CR1L: variants seen among roughly 807,000 people sequenced by gnomAD.
CR1L encodes the protein complement C3b/C4b receptor 1 like.
A neutral mutation model predicts 62.3 loss-of-function variants in CR1L; 59 were observed. The observed-to-expected ratio is 0.95, with a 90% CI of 0.77 to 1.18. The LOEUF (loss-of-function observed/expected upper bound fraction) is 1.18, where lower values mean the gene tolerates loss of function less well. Among genes scored for constraint, CR1L ranks in the 50% most tolerant of loss-of-function variants. CR1L has a pLI of 0.00. For synonymous variants in CR1L, 279 were observed against 248.7 expected, an observed-to-expected ratio of 1.12 and a Z score of -1.15; for missense variants, 700 against 702.8, an observed-to-expected ratio of 1.00 and a Z score of 0.04.
chr1:207,717,696 G>A lies in CR1L; in HGVS notation c.1642+5G>A, dbSNP rs750373270. 3 of 1,613,868 alleles carry A rather than the reference G, an allele frequency of 1.9e-6. No homozygotes were observed. The highest frequency in any genetic ancestry group is 2.5e-6 in the Non-Finnish European group (3 of 1,179,788). Reference sequence around the variant, plus strand: ...GTGAACTTCCTGTTGGTGCTGGTCAGTATCCGCTTCCACATATCCTAAATG... The same window carrying A: ...GTGAACTTCCTGTTGGTGCTGGTCAATATCCGCTTCCACATATCCTAAATG... On this transcript the variant is annotated splice_donor_5th_base_variant and intron_variant, in intron 11 of 11. Transcript: ENST00000508064.
At chr1:207,653,297 A>G (rs1462152776) in intron 1 of CR1L, 1 of 153,338 alleles carries the variant, frequency 6.5e-6, no homozygotes, top group Non-Finnish European at 1.5e-5. Context: ...CTATGTGACA[A>G]GTTATACTTC....
intron 10 of CR1L, among the ~76,000 whole-genome samples, chr1:207,711,679 G>A (rs1448148461): frequency 3.9e-5 from 6 of 152,154 alleles, no homozygotes; most frequent in African/African-American, 1.4e-4. Context: ...GGCCAAGATG[G>A]GCAGATCACC....
intron 8 of CR1L, among the ~76,000 whole-genome samples, chr1:207,701,081 A>C (rs1664183770): frequency 6.6e-6 from 1 of 152,216 alleles, no homozygotes; most frequent in Non-Finnish European, 1.5e-5. Flanking sequence ...CTTCATGAGA[A>C]TGTTTCAAGG....
rs1663098420 is a variant in CR1L, at chr1:207,645,249, C to T, written c.16C>T (p.Arg6Cys). 5 of 1,613,270 alleles carry T rather than the reference C, an allele frequency of 3.1e-6. No individual in the cohort carries two copies. The highest frequency in any genetic ancestry group is 8.5e-7 in the Non-Finnish European group (1 of 1,180,012). MAPPV[R>C]LERPFPSRRF... ...CGCGCCGCTCATGGCGCCTCCCGTCCGTCTCGAGCGTCCCTTTCCTTCCCG... is the reference window on the plus strand; with the variant it reads ...CGCGCCGCTCATGGCGCCTCCCGTCTGTCTCGAGCGTCCCTTTCCTTCCCG... Residue 6 changes from arginine to cysteine, a missense_variant, in exon 1 of 12, where the codon CGT becomes TGT. Physicochemically the swap from Arg to Cys is radical, Grantham distance 180. Coordinates refer to ENST00000508064, the MANE Select transcript of CR1L (RefSeq NM_175710.2).
chr1:207,664,968 A>T (rs1186263543), intron 1 of CR1L, among the ~76,000 whole-genome samples: 1 of 152,218 alleles, frequency 6.6e-6, no homozygotes, highest in East Asian at 1.9e-4. Flanking sequence ...AAAGATACAT[A>T]TGTTTACCCC....
chr1:207,669,365 ACTCCT>A (rs1663573523), intron 1 of CR1L: 5 of 905,136 alleles, frequency 5.5e-6, no homozygotes, highest in Non-Finnish European at 8.8e-6. Flanking sequence ...AGGATTGGTC[ACTCCT>A]CTTTGCACTG....
intron 1 of CR1L, among the ~76,000 whole-genome samples, chr1:207,664,723 GAA>G: frequency 6.6e-6 from 1 of 152,170 alleles, no homozygotes; most frequent in South Asian, 2.1e-4. Flanking sequence ...TTGCTTGTGA[GAA>G]AAAGTTTATA....
intron 11 of CR1L, among the ~76,000 whole-genome samples, chr1:207,722,399 C>T (rs1654157164): frequency 7.5e-6 from 1 of 133,028 alleles, no homozygotes; most frequent in South Asian, 2.7e-4. Context: ...CCAGTTTCAG[C>T]TTTCTACATA....
At chr1:207,710,270 G>A in intron 10 of CR1L, 1 of 675,146 alleles carries the variant, frequency 1.5e-6, no homozygotes, top group South Asian at 1.8e-5. Context: ...CTTGACCTGG[G>A]AAGTTGAGAT....
In CR1L at chr1:207,683,139, G is replaced by A. The variant is rs144415844; in HGVS notation, c.378-733G>A. Among the ~76,000 whole-genome samples the A allele has an allele frequency of 2.2e-3, 281 of 125,980 alleles. 2 individuals are homozygous for A. Among genetic ancestry groups the A allele is most frequent in the African/African-American group, 5.5e-3 (177 of 32,286 alleles). 82.6% of individuals were successfully genotyped at this position (125,980 alleles called of 152,430 possible). On this transcript the variant is annotated intron_variant, in intron 3 of 11. Transcript: ENST00000508064. Reference sequence around the variant, plus strand: ...CTGACTCTCTCTCTCTCTCTACCCCGCCCCTTTCTTTCCTACTGACAAGGT... The same window carrying A: ...CTGACTCTCTCTCTCTCTCTACCCCACCCCTTTCTTTCCTACTGACAAGGT...
In CR1L at chr1:207,708,237, G is replaced by A. The variant is rs1173635995; in HGVS notation, c.1388G>A (p.Trp463Ter). Residue 463 changes from tryptophan to a stop codon, truncating the protein, a stop_gained, in exon 10 of 12, where the codon TGG becomes TAG. Transcript: ENST00000508064. LOFTEE classifies it high-confidence loss of function. ...ECILSGNTAH[W>*]SMKPPICQQI... is the part of the protein sequence containing the mutation. ...ATCCTCTCGGGCAATACTGCCCATTGGAGCATGAAGCCACCAATTTGTCAA... is the reference window on the plus strand; with the variant it reads ...ATCCTCTCGGGCAATACTGCCCATTAGAGCATGAAGCCACCAATTTGTCAA... The A allele has an allele frequency of 1.2e-6, 2 of 1,611,390 alleles. No homozygotes were observed. Among genetic ancestry groups the A allele is most frequent in the Admixed American group, 3.3e-5 (2 of 60,008 alleles).
chr1:207,697,971 G>GACACACAC, intron 7 of CR1L, 98 bp downstream of exon 7: 1 of 1,480,988 alleles, frequency 6.8e-7, no homozygotes. Context: ...AAGACAGACA[G>GACACACAC]ACAGACACAC....
chr1:207,707,367 C>A (rs1664282951), intron 9 of CR1L, among the ~76,000 whole-genome samples: 2 of 152,222 alleles, frequency 1.3e-5, no homozygotes, highest in Non-Finnish European at 2.9e-5. Context: ...GTGGCTCACG[C>A]CTGTAGTCCC....
rs1027941646 is a variant in CR1L, at chr1:207,718,505, C to T, written c.1642+814C>T. Among the ~76,000 whole-genome samples the T allele has an allele frequency of 5.9e-5, 9 of 152,226 alleles. No individual in the cohort carries two copies. The East Asian group carries it at 1.5e-3, about 26-fold the overall frequency. On this transcript the variant is annotated intron_variant, in intron 11 of 11. Transcript: ENST00000508064. ...GGCACAAACTCGGCTCAATGCAACC[C>T]CCGCCTCCTGGGTTTGAGCAATTCT...
At chr1:207,655,106 A>T in intron 1 of CR1L, 1 of 359,100 alleles carries the variant, frequency 2.8e-6, no homozygotes, top group Non-Finnish European at 5.4e-6. Flanking sequence ...CAGCGTAGAA[A>T]ATAAACCATA....
At chr1:207,694,273 T>C in intron 4 of CR1L, 80 bp from the exon 5 acceptor site, 1 of 1,534,994 alleles carries the variant, frequency 6.5e-7, no homozygotes, top group South Asian at 1.2e-5. Flanking sequence ...AAATAATGAA[T>C]GTAAAAATAG....
chr1:207,675,039 T>C (rs751587596), intron 1 of CR1L, among the ~76,000 whole-genome samples: 6 of 152,208 alleles, frequency 3.9e-5, no homozygotes, highest in Non-Finnish European at 8.8e-5. Context: ...TCTTCAATTA[T>C]TTGATCATTG....
intron 1 of CR1L, among the ~76,000 whole-genome samples, chr1:207,662,542 A>G (rs899311337): frequency 6.6e-5 from 10 of 151,984 alleles, no homozygotes; most frequent in Admixed American, 4.6e-4. Context: ...CTAGTTAGAC[A>G]TTCATCTAAT....
At chr1:207,710,637 T>C in intron 10 of CR1L, 1 of 1,610,072 alleles carries the variant, frequency 6.2e-7, no homozygotes, top group Non-Finnish European at 8.5e-7. Context: ...AATGGAATAT[T>C]GGTGTCTGAC....
Sources: allele counts gnomAD v4.1 joint callset (sites outside exome capture counted in the v4.1 genomes callset), GRCh38; gene constraint gnomAD v4.1.1; transcripts MANE v1.5; gene names NCBI Gene and HGNC (gene_info 2026-07-23, HGNC 2026-07-21).